NEO1: variants seen among roughly 807,000 people sequenced by gnomAD.
NEO1 encodes neogenin.
Under a neutral mutation model 159.7 loss-of-function variants are expected in NEO1, and 63 were observed. The observed-to-expected ratio is 0.39, with a 90% CI of 0.32 to 0.49. The LOEUF (loss-of-function observed/expected upper bound fraction) is 0.49. NEO1 is among the 20% of genes least tolerant of loss of function. The pLI, the probability that NEO1 is intolerant of heterozygous loss-of-function variation, is 0.85. For missense variants in NEO1, 1,615 were observed against 1,831.0 expected (o/e 0.88, Z 2.15); for synonymous variants, 633 against 662.0 (o/e 0.96, Z 0.67).
intron 16 of NEO1, among the ~76,000 whole-genome samples, chr15:73,266,767 C>T (rs761423779): frequency 9.2e-5 from 14 of 152,108 alleles, no homozygotes; most frequent in Non-Finnish European, 1.6e-4. Flanking sequence ...AGGTTACTGA[C>T]GGTGGCAATA....
At chr15:73,195,809 G>C (rs1306406734) in intron 7 of NEO1, among the ~76,000 whole-genome samples, 2 of 152,082 alleles carry the variant, frequency 1.3e-5, no homozygotes, top group African/African-American at 4.8e-5. Context: ...ACAAATTTGA[G>C]TAGTTGTAGT....
At chr15:73,288,672 A>G (rs888870468) in intron 24 of NEO1, 121 bp downstream of exon 24, 2 of 784,968 alleles carry the variant, frequency 2.5e-6, no homozygotes, top group Non-Finnish European at 4.2e-6. Flanking sequence ...GATTTAGAGA[A>G]ATGTGTATGA....
intron 26 of NEO1, among the ~76,000 whole-genome samples, chr15:73,295,794 G>A (rs1054986096): frequency 2.0e-5 from 3 of 152,202 alleles, no homozygotes; most frequent in Admixed American, 6.5e-5. Flanking sequence ...AGCAGGGCCA[G>A]TCTCTGCTCT....
At chr15:73,286,960 C>T (rs1596604023) in intron 23 of NEO1, among the ~76,000 whole-genome samples, 2 of 152,202 alleles carry the variant, frequency 1.3e-5, no homozygotes, top group African/African-American at 4.8e-5. Context: ...TTCTTCACAT[C>T]ACAGCTGGTA....
chr15:73,060,833 A>G (rs1179395756), intron 1 of NEO1, among the ~76,000 whole-genome samples: 4 of 150,622 alleles, frequency 2.7e-5, no homozygotes, highest in South Asian at 4.2e-4. Flanking sequence ...GTATTTTTGT[A>G]CAGACAGGGT....
chr15:73,052,865 C>A, intron 1 of NEO1, 60 bp downstream of exon 1: 1 of 247,302 alleles, frequency 4.0e-6, no homozygotes, highest in Non-Finnish European at 6.6e-6. Flanking sequence ...CAGGCGGCCG[C>A]GGCTGCGGTG....
chr15:73,216,809 A>T (rs578121234), intron 7 of NEO1, among the ~76,000 whole-genome samples: 3 of 152,004 alleles, frequency 2.0e-5, no homozygotes, highest in Non-Finnish European at 2.9e-5. Flanking sequence ...GTTTGAATTC[A>T]TTGTAGATTC....
At chr15:73,240,921 A>G (rs895867253) in intron 8 of NEO1, among the ~76,000 whole-genome samples, 2 of 152,234 alleles carry the variant, frequency 1.3e-5, no homozygotes, top group Non-Finnish European at 2.9e-5. Flanking sequence ...AAACTTTCTT[A>G]TTAATCTTAT....
intron 1 of NEO1, among the ~76,000 whole-genome samples, chr15:73,065,246 C>T (rs997872184): frequency 6.6e-6 from 1 of 151,076 alleles, no homozygotes; most frequent in African/African-American, 2.4e-5. Context: ...TATTTAAATT[C>T]ATTAATTTAT....
chr15:73,107,948 A>G (rs1230048645), intron 1 of NEO1, among the ~76,000 whole-genome samples: 2 of 152,150 alleles, frequency 1.3e-5, no homozygotes, highest in Non-Finnish European at 1.5e-5. Flanking sequence ...TTGGGAGGCT[A>G]AGGCGGGAGG....
chr15:73,283,747 T>C (rs2041826244), intron 23 of NEO1, among the ~76,000 whole-genome samples: 2 of 152,244 alleles, frequency 1.3e-5, no homozygotes, highest in South Asian at 4.1e-4. Flanking sequence ...GAGCACCATC[T>C]GTACATGCCC....
At chr15:73,086,684 CTTTTT>C (rs56321563) in intron 1 of NEO1, among the ~76,000 whole-genome samples, 1 of 122,044 alleles carries the variant, frequency 8.2e-6, no homozygotes, top group Non-Finnish European at 1.6e-5. Flanking sequence ...TTCTAGATTT[CTTTTT>C]TTTTTTTTTT....
At chr15:73,100,199 T>C (rs980109272) in intron 1 of NEO1, among the ~76,000 whole-genome samples, 3 of 152,184 alleles carry the variant, frequency 2.0e-5, no homozygotes, top group Non-Finnish European at 2.9e-5. Flanking sequence ...GCTAAAATAT[T>C]AAAATAATAC....
rs778522110 is a variant in NEO1, at chr15:73,052,734, G to A, written c.59G>A (p.Cys20Tyr). 4 of 1,325,326 alleles carry A rather than the reference G, an allele frequency of 3.0e-6. No individual in the cohort carries two copies. In the Admixed American group the frequency reaches 1.2e-4, roughly 39 times the overall value. The allele number at this position is 1,325,326 out of a possible 1,614,324, so 82.1% of individuals were successfully genotyped here. Residue 20 changes from cysteine (C) to tyrosine (Y), a missense_variant, in exon 1 of 29, where the codon TGC becomes TAC. Around this residue, in one of 3 missense-constraint regions of NEO1, gnomAD observed 1,018 missense variants for 1,115.4 expected, o/e 0.91. Transcript: ENST00000261908. ...LLSTPSFWLYCLLLLGRRAPG... is the reference protein window; with the variant it reads ...LLSTPSFWLYYLLLLGRRAPG... ...AGCACCCCCTCCTTCTGGCTCTACTGCCTGCTGCTGCTCGGGCGCCGGGCG... is the reference window on the plus strand; with the variant it reads ...AGCACCCCCTCCTTCTGGCTCTACTACCTGCTGCTGCTCGGGCGCCGGGCG...
intron 1 of NEO1, among the ~76,000 whole-genome samples, chr15:73,072,141 G>A (rs886919666): frequency 6.6e-6 from 1 of 152,092 alleles, no homozygotes; most frequent in East Asian, 1.9e-4. Context: ...AGTAGAGACA[G>A]GGTTTCACCA....
intron 7 of NEO1, among the ~76,000 whole-genome samples, chr15:73,213,963 T>A (rs540313955): frequency 2.6e-5 from 4 of 152,204 alleles, no homozygotes; most frequent in Non-Finnish European, 5.9e-5. Context: ...ATGGCCATTC[T>A]TGCAGGAGTA....
intron 5 of NEO1, among the ~76,000 whole-genome samples, chr15:73,153,386 A>G (rs970402229): frequency 1.3e-5 from 2 of 152,226 alleles, no homozygotes; most frequent in Admixed American, 1.3e-4. Context: ...AAATAGTTTA[A>G]AAATCTAATT....
At chr15:73,240,984 C>T (rs1305823484) in intron 8 of NEO1, among the ~76,000 whole-genome samples, 2 of 152,148 alleles carry the variant, frequency 1.3e-5, no homozygotes, top group Non-Finnish European at 1.5e-5. Flanking sequence ...ACTTCACAGA[C>T]GTGTGGTAAG....
At chr15:73,057,935 A>AT (rs1264537389) in intron 1 of NEO1, among the ~76,000 whole-genome samples, 1 of 152,150 alleles carries the variant, frequency 6.6e-6, no homozygotes, top group African/African-American at 2.4e-5. Context: ...AGAATAAAAG[A>AT]TTTTATCACT....
Sources: gnomAD v4.1 joint callset for allele counts (sites outside exome capture counted in the v4.1 genomes callset) on GRCh38, gnomAD v4.1.1 for gene constraint, gnomAD v4.1.1 regional missense constraint, MANE v1.5 for transcripts, NCBI Gene and HGNC (gene_info 2026-07-23, HGNC 2026-07-21) for gene names.